The following HAUS2 variants were observed in gnomAD, a reference collection of about 807,000 sequenced individuals.
HAUS2 encodes the protein HAUS augmin like complex subunit 2.
Under a neutral mutation model 21.6 loss-of-function variants are expected in HAUS2, and 20 were observed. The observed-to-expected ratio is 0.93, with a 90% CI of 0.65 to 1.35. HAUS2 has a LOEUF of 1.35. HAUS2 is among the 40% of genes most tolerant of loss of function. The pLI is 0.00. For missense variants in HAUS2, 297 were observed against 280.7 expected (o/e 1.06, Z -0.42); for synonymous variants, 113 against 95.6 (o/e 1.18, Z -1.06).
In HAUS2 at chr15:42,548,915, G is replaced by C; in HGVS notation, c.43G>C (p.Gly15Arg). Residue 15 changes from glycine (G) to arginine (R), a missense_variant, in exon 1 of 6, where the codon GGC becomes CGC. Transcript: ENST00000260372. ...GTGGGACCCGGCGTCCGCGCCTAAC[G>C]GCGCTGGGCTAGTGCTAGGCCACTT... is the stretch of plus-strand genomic sequence containing the variant. ...NPWDPASAPN[G>R]AGLVLGHFIA... 1 of 1,542,680 alleles carries C rather than the reference G, an allele frequency of 6.5e-7. No homozygotes were observed. The highest frequency in any genetic ancestry group is 8.8e-7 in the Non-Finnish European group (1 of 1,142,004).
intron 1 of HAUS2, among the ~76,000 whole-genome samples, chr15:42,556,124 T>TA (rs1566831204): frequency 6.9e-6 from 1 of 144,140 alleles, no homozygotes; most frequent in East Asian, 2.0e-4. Context: ...CCTGGCTAAT[T>TA]TTTTTTTTTT....
chr15:42,560,413 G>GA (rs1355486674), intron 3 of HAUS2, among the ~76,000 whole-genome samples: 9 of 150,990 alleles, frequency 6.0e-5, no homozygotes, highest in African/African-American at 2.0e-4. Context: ...AGAGAGAGAA[G>GA]AGAGAGAAAG....
In HAUS2 at chr15:42,559,393, C is replaced by T. The variant is rs755827503; in HGVS notation, c.241C>T (p.His81Tyr). The T allele has an allele frequency of 1.2e-6, 2 of 1,601,674 alleles. No individual in the cohort carries two copies. The highest frequency in any genetic ancestry group is 1.3e-5 in the African/African-American group (1 of 74,656). Residue 81 changes from histidine (H) to tyrosine (Y), a missense_variant, in exon 3 of 6, where the codon CAT (histidine) becomes TAT (tyrosine). Transcript: ENST00000260372. ...AGAAAAAGATACAGCAGATGTTGTT[C>T]ATCCTTTCTTTTTGGGTAAGTGGTT... ...KLEKDTADVV[H>Y]PFFLAQKCHT...
In HAUS2 at chr15:42,548,847, G is replaced by C. The variant is rs200759756; in HGVS notation, c.-26G>C. ...CCCTGCGATCCCGCTCACTCTTGGC[G>C]CCTTCGCGGAAGGTGCGTCCGAGCC... On this transcript the variant is annotated 5_prime_UTR_variant, in exon 1 of 6. Coordinates refer to ENST00000260372, the MANE Select transcript of HAUS2 (RefSeq NM_018097.3). 8.1e-5 allele frequency: 123 copies of C among 1,525,662 alleles called. 2 individuals are homozygous for C. The African/African-American group carries it at 1.4e-3, about 17-fold the overall frequency. 94.5% of individuals were successfully genotyped at this position (1,525,662 alleles called of 1,614,324 possible).
At chr15:42,550,909 T>C (rs8033137) in intron 1 of HAUS2, among the ~76,000 whole-genome samples, 136,334 of 151,950 alleles carry the variant, frequency 0.9, 62,060 homozygotes, top group Non-Finnish European at 0.99. Context: ...CCTCGTGATC[T>C]GCCTGCCTCT....
At chr15:42,549,031 T>A in intron 1 of HAUS2, 66 bp downstream of exon 1, 2 of 1,012,930 alleles carry the variant, frequency 2.0e-6, no homozygotes, top group Non-Finnish European at 1.5e-6. Flanking sequence ...GGCTGTGAGT[T>A]GGTGCTGCTG....
chr15:42,549,330 A>G (rs1012421325), intron 1 of HAUS2, among the ~76,000 whole-genome samples: 7 of 152,152 alleles, frequency 4.6e-5, no homozygotes, highest in Non-Finnish European at 1.0e-4. Flanking sequence ...CTTGCGGAAC[A>G]AGCATTTCCA....
intron 1 of HAUS2, among the ~76,000 whole-genome samples, chr15:42,556,046 A>C (rs1442650284): frequency 6.6e-6 from 1 of 151,644 alleles, no homozygotes; most frequent in Non-Finnish European, 1.5e-5. Context: ...TCCCAGGTTC[A>C]AGCAATTCTC....
chr15:42,558,775 C>G (rs1305662576), intron 2 of HAUS2, among the ~76,000 whole-genome samples: 1 of 151,948 alleles, frequency 6.6e-6, no homozygotes, highest in African/African-American at 2.4e-5. Context: ...GTGGGCAACA[C>G]AGGGAGATCC....
Position 42,559,354 on chromosome 15 carries a change from G to A in HAUS2, c.202G>A (p.Glu68Lys). Reference sequence around the variant, plus strand: ...CCTCATGTAGAAAAACCTGGAAATTGAACTCCTGAAACTAGAAAAAGATAC... The same window carrying A: ...CCTCATGTAGAAAAACCTGGAAATTAAACTCCTGAAACTAGAAAAAGATAC... ...AEIYQKNLEI[E>K]LLKLEKDTAD... Residue 68 changes from glutamate (E) to lysine (K), a missense_variant, in exon 3 of 6, where the codon GAA (glutamate) becomes AAA (lysine). Physicochemically the swap from Glu to Lys is moderately conservative, Grantham distance 56. Transcript: ENST00000260372. The A allele has an allele frequency of 6.2e-7, 1 of 1,602,644 alleles. No individual in the cohort carries two copies. The highest frequency in any genetic ancestry group is 2.2e-5 in the East Asian group (1 of 44,808).
chr15:42,551,100 A>G (rs904249712), intron 1 of HAUS2, among the ~76,000 whole-genome samples: 1 of 150,158 alleles, frequency 6.7e-6, no homozygotes, highest in Non-Finnish European at 1.5e-5. Context: ...GGTTCAATCA[A>G]TTCTCGTGCT....
At chr15:42,561,158 G>A (rs1291461639) in intron 3 of HAUS2, 112 bp from the exon 4 acceptor site, 2 of 642,308 alleles carry the variant, frequency 3.1e-6, no homozygotes, top group Non-Finnish European at 5.5e-6. Context: ...AGACAGGAGG[G>A]TAATGATAGG....
intron 1 of HAUS2, among the ~76,000 whole-genome samples, chr15:42,555,667 A>G (rs1385857754): frequency 2.6e-5 from 4 of 152,038 alleles, no homozygotes; most frequent in Admixed American, 6.6e-5. Flanking sequence ...TTTTCTTCCC[A>G]TCCATTATGA....
At position 42,560,887 on chromosome 15, in the gene HAUS2, C is replaced by T. The variant is rs769133276; in HGVS notation, c.257-383C>T. 10 of 699,516 alleles carry T rather than the reference C, an allele frequency of 1.4e-5. No homozygotes were observed. The South Asian group carries it at 1.5e-4, about 10-fold the overall frequency. The allele number at this position is 699,516 out of a possible 1,614,324, so 43.3% of individuals were successfully genotyped here. A position where few individuals can be genotyped will look rare whatever the true frequency, so the allele number is the denominator to read the frequency against. On this transcript the variant is annotated intron_variant, in intron 3 of 5. Coordinates refer to ENST00000260372, the MANE Select transcript of HAUS2 (RefSeq NM_018097.3). ...CGATTACAGGTATGAGCTAGAGCAC[C>T]AGCTAAGGTGACTCTTTTTCGATGG...
intron 1 of HAUS2, among the ~76,000 whole-genome samples, chr15:42,549,202 T>C (rs1469155490): frequency 6.6e-6 from 1 of 152,140 alleles, no homozygotes; most frequent in African/African-American, 2.4e-5. Flanking sequence ...GTAGGGTAAA[T>C]TTGTCCCAGT....
rs1298507617 is a variant in HAUS2, at chr15:42,556,335, G to A, written c.94-1863G>A. The stretch of plus-strand genomic sequence containing the variant: ...AGACTAGAGTGCAGTGGCAATCTCA[G>A]CTCACCACAACCTTGTCTCCTAAGC... On this transcript the variant is annotated intron_variant, in intron 1 of 5. Transcript: ENST00000260372. Among the ~76,000 whole-genome samples the A allele has an allele frequency of 9.8e-5, 13 of 132,024 alleles. No individual in the cohort carries two copies. The East Asian group carries it at 2.6e-3, about 27-fold the overall frequency. 86.6% of individuals were successfully genotyped at this position (132,024 alleles called of 152,430 possible).
intron 3 of HAUS2, chr15:42,560,769 A>C (rs998723900): frequency 1.4e-6 from 1 of 700,960 alleles, no homozygotes; most frequent in South Asian, 1.5e-5. Context: ...TTGTTTTTTC[A>C]ATTTTTTTGT....
At chr15:42,561,216 A>G (rs1039160600) in intron 3 of HAUS2, 54 bp from the exon 4 acceptor site, 9 of 1,118,998 alleles carry the variant, frequency 8.0e-6, no homozygotes, top group Admixed American at 3.6e-5. Context: ...AGAAGAAATT[A>G]TTCTGTTATT....
chr15:42,558,380 T>G (rs1595551757), intron 2 of HAUS2, 90 bp downstream of exon 2: 1 of 583,490 alleles, frequency 1.7e-6, no homozygotes, highest in East Asian at 3.2e-5. Flanking sequence ...GAGGCTGGAG[T>G]GCAGTGGCAC....
Sources: allele counts gnomAD v4.1 joint callset (sites outside exome capture counted in the v4.1 genomes callset), GRCh38; gene constraint gnomAD v4.1.1; transcripts MANE v1.5; gene names NCBI Gene and HGNC (gene_info 2026-07-23, HGNC 2026-07-21).